The following RNF38 variants were observed in gnomAD, a reference collection of about 807,000 sequenced individuals.
RNF38 encodes E3 ubiquitin-protein ligase RNF38.
In RNF38, 15 loss-of-function variants were observed where a neutral mutation model predicts 67.2. The observed-to-expected ratio is 0.22, with a 90% CI of 0.15 to 0.34. RNF38 has a LOEUF of 0.34. Ranked by LOEUF, RNF38 falls within the 10% of genes least tolerant of loss-of-function variation. The pLI, the probability that RNF38 is intolerant of heterozygous loss-of-function variation, is 1.00. For missense variants in RNF38, 524 were observed against 639.9 expected (o/e 0.82, Z 1.95); for synonymous variants, 220 against 218.8 (o/e 1.01, Z -0.05).
At chr9:36,433,616 G>A (rs1043357571) in intron 1 of RNF38, among the ~76,000 whole-genome samples, 2 of 151,000 alleles carry the variant, frequency 1.3e-5, no homozygotes, top group Non-Finnish European at 2.9e-5. Context: ...GAACCTGGGA[G>A]GCGGAAGTTG....
Position 36,336,683 on chromosome 9 carries a change from C to G in RNF38, c.*3069G>C, listed in dbSNP as rs192795804. On this transcript the variant is annotated 3_prime_UTR_variant, in exon 12 of 12. Coordinates refer to ENST00000259605, the MANE Select transcript of RNF38 (RefSeq NM_022781.5). The stretch of plus-strand genomic sequence containing the variant: ...CAAAAAACACCCCTGTGAGCTTTCA[C>G]AATCTGAAACGGCAAAATGAGGTAA... 4.6e-5 allele frequency: 7 copies of G among 152,618 alleles called. No individual in the cohort carries two copies. Among genetic ancestry groups the G allele is most frequent in the Admixed American group, 4.6e-4 (7 of 15,274 alleles). The allele number at this position is 152,618 out of a possible 1,614,324, so 9.5% of individuals were successfully genotyped here.
chr9:36,401,149 G>C (rs1838007205), upstream of RNF38: 21 of 984,670 alleles, frequency 2.1e-5, no homozygotes, highest in Non-Finnish European at 2.4e-5. Context: ...TTTTCCCCCA[G>C]GCTCCGCACC....
chr9:36,347,090 A>G (rs951544697), intron 9 of RNF38, among the ~76,000 whole-genome samples: 2 of 113,006 alleles, frequency 1.8e-5, no homozygotes, highest in African/African-American at 3.4e-5. Flanking sequence ...ATTGCACTCC[A>G]AGCCTGGGCG....
chr9:36,423,839 C>A (rs1431378056), intron 2 of RNF38, among the ~76,000 whole-genome samples: 1 of 86,000 alleles, frequency 1.2e-5, no homozygotes, highest in Non-Finnish European at 2.7e-5. Context: ...GTCCCAGCTA[C>A]TCGGGAGGCT....
intron 1 of RNF38, among the ~76,000 whole-genome samples, chr9:36,392,032 C>CAGCAG: frequency 6.6e-6 from 1 of 152,304 alleles, no homozygotes; most frequent in East Asian, 1.9e-4. Flanking sequence ...TGCCAAGAGA[C>CAGCAG]AGCAGTGTAG....
chr9:36,425,293 A>G (rs550850234), intron 1 of RNF38, among the ~76,000 whole-genome samples: 2 of 152,114 alleles, frequency 1.3e-5, no homozygotes, highest in African/African-American at 4.8e-5. Context: ...CATTTTTTTT[A>G]AAAAAAGTTT....
At chr9:36,393,517 GTGTGT>G (rs1564036222) in intron 1 of RNF38, among the ~76,000 whole-genome samples, 2 of 143,066 alleles carry the variant, frequency 1.4e-5, no homozygotes, top group Non-Finnish European at 3.0e-5. Context: ...GTGTGTGTGT[GTGTGT>G]GGGGCAGGCA....
chr9:36,424,949 C>A (rs778206096), intron 1 of RNF38, among the ~76,000 whole-genome samples: 1 of 152,166 alleles, frequency 6.6e-6, no homozygotes, highest in South Asian at 2.1e-4. Context: ...TTCTACTAGA[C>A]CGAGTAGTCT....
At chr9:36,416,793 CCCAGGCTGGAGTGCAGCGGCA>C (rs1434375625) in intron 2 of RNF38, among the ~76,000 whole-genome samples, 1 of 118,708 alleles carries the variant, frequency 8.4e-6, no homozygotes, top group Non-Finnish European at 1.6e-5. Context: ...CATTCTGTGG[CCCAGGCTGGAGTGCAGCGGCA>C]CCATCTCAGC....
chr9:36,365,268 T>C (rs189357127), intron 4 of RNF38, among the ~76,000 whole-genome samples: 75 of 152,226 alleles, frequency 4.9e-4, no homozygotes, highest in Admixed American at 6.5e-4. Flanking sequence ...ATCTCTCATT[T>C]AAATAAGTTT....
chr9:36,345,789 C>G (rs1438718454), intron 9 of RNF38, among the ~76,000 whole-genome samples: 1 of 151,784 alleles, frequency 6.6e-6, no homozygotes, highest in East Asian at 1.9e-4. Context: ...TAATATGTCT[C>G]AAGACTCTTT....
At chr9:36,342,771 A>C (rs1832948204) in intron 10 of RNF38, among the ~76,000 whole-genome samples, 2 of 152,214 alleles carry the variant, frequency 1.3e-5, no homozygotes, top group Non-Finnish European at 2.9e-5. Context: ...ATGGATCAAA[A>C]GCTTAAGTGT....
chr9:36,398,160 C>T (rs1000626436), intron 1 of RNF38, among the ~76,000 whole-genome samples: 3 of 152,150 alleles, frequency 2.0e-5, no homozygotes, highest in Non-Finnish European at 2.9e-5. Flanking sequence ...ACAGTCCTTA[C>T]CCTTAAAGCA....
rs186333878 is a variant in RNF38 at position 36,362,591 on chromosome 9, C to T, written c.571-4649G>A. On this transcript the variant is annotated intron_variant, in intron 4 of 11. Transcript: ENST00000259605. The stretch of plus-strand genomic sequence containing the variant: ...AGGACCCTTTCCTGGTCAAAATGAT[C>T]TCACAGCCACTCTTTGATCCCAGTT... Among the ~76,000 whole-genome samples the T allele has an allele frequency of 4.2e-3, 631 of 151,960 alleles. 8 individuals are homozygous for T. The highest frequency in any genetic ancestry group is 7.6e-3 in the Admixed American group (116 of 15,250).
At chr9:36,469,733 T>C (rs1406992745) in intron 1 of RNF38, among the ~76,000 whole-genome samples, 1 of 152,130 alleles carries the variant, frequency 6.6e-6, no homozygotes, top group African/African-American at 2.4e-5. Context: ...CTCAGCACTT[T>C]GGGAGGCCAA....
At chr9:36,418,327 C>T (rs936822068) in intron 2 of RNF38, among the ~76,000 whole-genome samples, 1 of 151,598 alleles carries the variant, frequency 6.6e-6, no homozygotes, top group Non-Finnish European at 1.5e-5. Context: ...TGAGCCACTG[C>T]GCCTGGCCAA....
At chr9:36,354,589 G>A (rs1833955460) in intron 6 of RNF38, among the ~76,000 whole-genome samples, 1 of 152,184 alleles carries the variant, frequency 6.6e-6, no homozygotes, top group Non-Finnish European at 1.5e-5. Flanking sequence ...CTGTTTCGCA[G>A]ACTTTATCAA....
chr9:36,401,590 G>C (rs919256389), upstream of RNF38, among the ~76,000 whole-genome samples: 4 of 152,112 alleles, frequency 2.6e-5, no homozygotes, highest in African/African-American at 9.7e-5. Context: ...ATGTCGCTTG[G>C]GGAGGGGAAA....
At chr9:36,479,590 T>C (rs1840200562) in intron 1 of RNF38, among the ~76,000 whole-genome samples, 1 of 152,176 alleles carries the variant, frequency 6.6e-6, no homozygotes, top group Non-Finnish European at 1.5e-5. Context: ...ATTGCACCCC[T>C]CTATGCGATT....
Sources: allele counts gnomAD v4.1 joint callset (sites outside exome capture counted in the v4.1 genomes callset), GRCh38; gene constraint gnomAD v4.1.1; transcripts MANE v1.5; gene names NCBI Gene and HGNC (gene_info 2026-07-23, HGNC 2026-07-21).